DBF4B: variants seen among roughly 807,000 people sequenced by gnomAD.
The protein encoded by DBF4B is DBF4B-CDC7 kinase regulatory subunit.
A neutral mutation model predicts 53.4 loss-of-function variants in DBF4B; 49 were observed. That is an observed-to-expected ratio of 0.92 (90% CI 0.73 to 1.16). The LOEUF (loss-of-function observed/expected upper bound fraction) is 1.16. Ranked by LOEUF, DBF4B falls within the 50% of genes most tolerant of loss-of-function variation. DBF4B has a pLI of 0.00. For synonymous variants in DBF4B, 257 were observed against 288.7 expected, an observed-to-expected ratio of 0.89 and a Z score of 1.11; for missense variants, 692 against 775.0, an observed-to-expected ratio of 0.89 and a Z score of 1.27.
chr17:44,750,390 G>A (rs2049250600), intron 13 of DBF4B: 2 of 985,340 alleles, frequency 2.0e-6, no homozygotes, highest in Non-Finnish European at 2.4e-6. Context: ...GAAGAAGGGG[G>A]GGCCCAGCTA....
At chr17:44,737,725 G>T (rs1041994780) in intron 8 of DBF4B, among the ~76,000 whole-genome samples, 2 of 152,176 alleles carry the variant, frequency 1.3e-5, no homozygotes, top group African/African-American at 4.8e-5. Context: ...TCTAATAGGG[G>T]TGAGTCTCTT....
At position 44,709,343 on chromosome 17, in the gene DBF4B, G is replaced by A. The variant is rs34159181; in HGVS notation, c.59G>A (p.Ser20Asn). Residue 20 changes from serine (S) to asparagine (N), a missense_variant, in exon 2 of 14, where the codon AGT becomes AAT. Transcript: ENST00000315005. Reference sequence around the variant, plus strand: ...GAGCTGGAGAGTTCCATGGCTGAGAGTAGGCTCCGGGCCCCGGACCTAGGT... The same window carrying A: ...GAGCTGGAGAGTTCCATGGCTGAGAATAGGCTCCGGGCCCCGGACCTAGGT... ...CLELESSMAE[S>N]RLRAPDLGVS... 0.016 allele frequency: 25,769 copies of A among 1,614,126 alleles called. 279 individuals are homozygous for A. The highest frequency in any genetic ancestry group is 0.022 in the Middle Eastern group (135 of 6,062).
chr17:44,735,740 C>T (rs1041392667), intron 7 of DBF4B, among the ~76,000 whole-genome samples: 29 of 152,206 alleles, frequency 1.9e-4, no homozygotes, highest in African/African-American at 5.8e-4. Flanking sequence ...TGTGCTGATA[C>T]GCAAGGGAAT....
At chr17:44,718,619 C>G (rs1973548046) in intron 2 of DBF4B, among the ~76,000 whole-genome samples, 1 of 151,912 alleles carries the variant, frequency 6.6e-6, no homozygotes, top group South Asian at 2.1e-4. Flanking sequence ...ATGTTATCCC[C>G]TCTCCAGTAT....
intron 2 of DBF4B, among the ~76,000 whole-genome samples, chr17:44,721,222 CCCCT>C (rs1973813795): frequency 7.7e-6 from 1 of 129,716 alleles, no homozygotes; most frequent in Non-Finnish European, 1.6e-5. Context: ...TTCTTCCCCC[CCCCT>C]CCCCTTTTTT....
chr17:44,732,254 T>G lies in DBF4B; in HGVS notation c.545T>G (p.Leu182Arg). The G allele has an allele frequency of 6.2e-7, 1 of 1,614,160 alleles. No individual in the cohort carries two copies. Among genetic ancestry groups the G allele is most frequent in the Non-Finnish European group, 8.5e-7 (1 of 1,180,012 alleles). ...GCCCGCTCTTGGGGAGTGAGGATTC[T>G]GCACGTGGATGGTACCCTTTCTGTG... ...TNARSWGVRI[L>R]HVDEMMMHVQ... is the part of the protein sequence containing the mutation. Residue 182 changes from leucine to arginine, a missense_variant, in exon 6 of 14, where the codon CTG (leucine) becomes CGG (arginine). Coordinates refer to ENST00000315005, the MANE Select transcript of DBF4B (RefSeq NM_145663.3).
intron 10 of DBF4B, 119 bp downstream of exon 10, chr17:44,741,571 T>C: frequency 1.6e-6 from 1 of 634,014 alleles, no homozygotes; most frequent in South Asian, 2.0e-5. Flanking sequence ...CAAAGTCTAT[T>C]CTGGGAACGT....
rs1358887313 is a variant in DBF4B at position 44,749,249 on chromosome 17, C to T, written c.1189+784C>T. 5.4e-6 allele frequency: 7 copies of T among 1,290,484 alleles called. No homozygotes were observed. The Admixed American group carries it at 1.6e-4, about 30-fold the overall frequency. The allele number at this position is 1,290,484 out of a possible 1,614,324, so 79.9% of individuals were successfully genotyped here. On this transcript the variant is annotated intron_variant, in intron 13 of 13. Transcript: ENST00000315005. The surrounding 1 kb of genome is among the most constrained non-coding windows in gnomAD (Gnocchi z 4.4). Reference sequence around the variant, plus strand: ...CTCCAGGTGCCCTGTCTCCCTGTCTCCCAGCCCTGGTCCCAACCCCAGCCC... The same window carrying T: ...CTCCAGGTGCCCTGTCTCCCTGTCTTCCAGCCCTGGTCCCAACCCCAGCCC...
Position 44,715,158 on chromosome 17 carries a change from A to G in DBF4B, c.82+5792A>G, listed in dbSNP as rs190233893. 9.7e-4 allele frequency among the ~76,000 whole-genome samples: 147 copies of G among 151,074 alleles called. 1 individual carries two copies. The highest frequency in any genetic ancestry group is 1.9e-3 in the South Asian group (9 of 4,784). ...TCTTTCTGGAACTTTTATTGTTTGG[A>G]TATTAGATCTCATAGATTCTTCCTT... On this transcript the variant is annotated intron_variant, in intron 2 of 13. Transcript: ENST00000315005.
At position 44,747,432 on chromosome 17, in the gene DBF4B, C is replaced by T. The variant is rs1205442280; in HGVS notation, c.981C>T (p.Ala327=). The change falls in exon 12 of 14, where the codon GCC becomes GCT. Residue 327 remains alanine, a synonymous_variant. Coordinates refer to ENST00000315005, the MANE Select transcript of DBF4B (RefSeq NM_145663.3). Reference sequence around the variant, plus strand: ...AGCACCGGAGCTTTGCCCTGGAAGCCCATCTATATGCAGAAGTGGACAGGA... The same window carrying T: ...AGCACCGGAGCTTTGCCCTGGAAGCTCATCTATATGCAGAAGTGGACAGGA... ...SAQHRSFALE[A]HLYAEVDRII... 1.9e-6 allele frequency: 3 copies of T among 1,614,134 alleles called. No homozygotes were observed. Among genetic ancestry groups the T allele is most frequent in the Non-Finnish European group, 2.5e-6 (3 of 1,180,034 alleles).
chr17:44,732,223 AC>A lies in DBF4B; in HGVS notation c.516del (p.Asn173MetfsTer7), dbSNP rs758957658. 10 of 1,613,958 alleles carry A rather than the reference AC, an allele frequency of 6.2e-6. No homozygotes were observed. The highest frequency in any genetic ancestry group is 8.5e-7 in the Non-Finnish European group (1 of 1,180,012). On this transcript the variant is annotated frameshift_variant, in exon 6 of 14. Coordinates refer to ENST00000315005, the MANE Select transcript of DBF4B (RefSeq NM_145663.3). LOFTEE classifies it high-confidence loss of function. Reference sequence around the variant, plus strand: ...CAGTGGGGGCAGCAGCAGCCTCCTGACCAATGCCCGCTCTTGGGGAGTGAGG... The same window carrying A: ...CAGTGGGGGCAGCAGCAGCCTCCTGACAATGCCCGCTCTTGGGGAGTGAGG... ...GGSGGSSSLL[T>X]NARSWGVRIL...
chr17:44,720,179 A>G, intron 2 of DBF4B: 1 of 362,066 alleles, frequency 2.8e-6, no homozygotes, highest in South Asian at 2.6e-5. Flanking sequence ...GTGATGCTGG[A>G]TCGCAGTTTT....
At chr17:44,732,296 G>A in intron 6 of DBF4B, 31 bp downstream of exon 6, 1 of 1,610,284 alleles carries the variant, frequency 6.2e-7, no homozygotes, top group East Asian at 2.2e-5. Context: ...TCCTGTGGAG[G>A]GAGAATTGGT....
chr17:44,741,271 C>T (rs1006795818), intron 9 of DBF4B, 65 bp from the exon 10 acceptor site: 12 of 1,193,806 alleles, frequency 1.0e-5, no homozygotes, highest in East Asian at 9.4e-5. Context: ...GGGCATTGGG[C>T]GAGGCCCCCT....
intron 3 of DBF4B, among the ~76,000 whole-genome samples, chr17:44,728,314 T>C (rs944899694): frequency 6.6e-6 from 1 of 152,126 alleles, no homozygotes. Flanking sequence ...AATTTCCACA[T>C]GTTCTATTGG....
At position 44,750,732 on chromosome 17, in the gene DBF4B, T is replaced by A. The variant is rs763231982; in HGVS notation, c.1327T>A (p.Cys443Ser). 4 of 1,614,190 alleles carry A rather than the reference T, an allele frequency of 2.5e-6. No individual in the cohort carries two copies. The highest frequency in any genetic ancestry group is 2.2e-5 in the South Asian group (2 of 91,090). The part of the protein sequence containing the change: ...ALPKGSREQG[C>S]LCPCPASFTQ... ...GCCCAAGGGCTCCAGGGAGCAGGGC[T>A]GCCTCTGTCCCTGCCCAGCCTCCTT... Residue 443 changes from cysteine (C) to serine (S), a missense_variant, in exon 14 of 14, where the codon TGC becomes AGC. By Grantham distance (112) the Cys-to-Ser change is moderately radical (BLOSUM62 -1). Transcript: ENST00000315005.
chr17:44,740,263 G>C (rs1394944405), intron 9 of DBF4B, among the ~76,000 whole-genome samples: 1 of 152,194 alleles, frequency 6.6e-6, no homozygotes, highest in Non-Finnish European at 1.5e-5. Flanking sequence ...TCACTGCTGA[G>C]CTACAGTACT....
intron 5 of DBF4B, 35 bp from the exon 6 acceptor site, chr17:44,732,143 C>G (rs768164770): frequency 1.9e-6 from 3 of 1,609,792 alleles, no homozygotes; most frequent in South Asian, 1.1e-5. Context: ...CTTGGGGAGT[C>G]TCTGCTCCTA....
chr17:44,714,318 A>G (rs571209272), intron 2 of DBF4B, among the ~76,000 whole-genome samples: 1 of 152,270 alleles, frequency 6.6e-6, no homozygotes, highest in South Asian at 2.1e-4. Context: ...CCCAGAAGCT[A>G]TTGAAATAAA....
Sources: allele counts gnomAD v4.1 joint callset (sites outside exome capture counted in the v4.1 genomes callset), GRCh38; gene constraint gnomAD v4.1.1; non-coding constraint Gnocchi (gnomAD v3.1); transcripts MANE v1.5; gene names NCBI Gene and HGNC (gene_info 2026-07-23, HGNC 2026-07-21).